ACTR3C: variants seen among roughly 807,000 people sequenced by gnomAD.
The protein encoded by ACTR3C is actin-related protein 3C.
Under a neutral mutation model 26.3 loss-of-function variants are expected in ACTR3C, and 18 were observed. That is an observed-to-expected ratio of 0.68 (90% CI 0.47 to 1.01). The LOEUF (loss-of-function observed/expected upper bound fraction) is 1.01. ACTR3C is among the 50% of genes least tolerant of loss of function. The probability of loss-of-function intolerance (pLI) is 0.00; values close to 1 mark genes in which losing one functional copy is unlikely to be tolerated. For synonymous variants in ACTR3C, 55 were observed against 94.5 expected (o/e 0.58, Z 2.42); for missense variants, 184 against 250.7 (o/e 0.73, Z 1.80).
the ACTR3C span, among the ~76,000 whole-genome samples, chr7:149,933,390 C>T: frequency 2.6e-5 from 4 of 151,524 alleles, no homozygotes; most frequent in South Asian, 2.1e-4. Context: ...AACTACAGTG[C>T]GTATACATCT....
At chr7:150,036,930 G>T in the ACTR3C span, among the ~76,000 whole-genome samples, 25 of 107,736 alleles carry the variant, frequency 2.3e-4, 3 homozygotes, top group East Asian at 1.1e-3. Context: ...CTGCGATGGG[G>T]GTCCTAAGAG....
At chr7:149,938,807 A>G in the ACTR3C span, among the ~76,000 whole-genome samples, 1 of 151,542 alleles carries the variant, frequency 6.6e-6, no homozygotes, top group Non-Finnish European at 1.5e-5. Context: ...ATTGAAACAT[A>G]ATTATATGGG....
At chr7:150,177,196 A>G in the ACTR3C span, among the ~76,000 whole-genome samples, 6 of 150,618 alleles carry the variant, frequency 4.0e-5, 1 homozygote, top group Admixed American at 1.3e-4. Context: ...GAAATTATTC[A>G]TTTTGTAGTT....
chr7:150,002,417 G>C, the ACTR3C span: 3 of 152,278 alleles, frequency 2.0e-5, no homozygotes, highest in Non-Finnish European at 2.9e-5. Flanking sequence ...ACACAGACGT[G>C]GAAAACTCCA....
chr7:149,968,395 C>T, the ACTR3C span, among the ~76,000 whole-genome samples: 21 of 152,210 alleles, frequency 1.4e-4, no homozygotes, highest in African/African-American at 3.6e-4. Context: ...TAGCCAGGCG[C>T]GGTGGCGGGC....
the ACTR3C span, among the ~76,000 whole-genome samples, chr7:150,214,963 G>A: frequency 2.6e-5 from 4 of 151,702 alleles, no homozygotes; most frequent in Non-Finnish European, 4.4e-5. Flanking sequence ...ATCCTTTAAG[G>A]ATGAAATCAA....
the ACTR3C span, among the ~76,000 whole-genome samples, chr7:150,062,481 C>T: frequency 6.7e-6 from 1 of 148,952 alleles, no homozygotes; most frequent in African/African-American, 2.5e-5. Flanking sequence ...GTGTTTGTCA[C>T]GGTGCCTGGA....
chr7:150,079,643 T>G, the ACTR3C span, among the ~76,000 whole-genome samples: 1 of 152,152 alleles, frequency 6.6e-6, no homozygotes, highest in Admixed American at 6.5e-5. Context: ...CATCTCCCCA[T>G]CATCATCCAT....
intron 6 of ACTR3C, among the ~76,000 whole-genome samples, chr7:150,251,186 A>C (rs13232981): frequency 0.069 from 10,563 of 152,210 alleles, 1,214 homozygotes; most frequent in African/African-American, 0.24. Flanking sequence ...CAGTGGAAAT[A>C]TTCTCATTTC....
chr7:150,260,303 CA>C lies in ACTR3C; in HGVS notation c.565-11250del, dbSNP rs201574688. On this transcript the variant is annotated intron_variant, in intron 6 of 7. Transcript: ENST00000683684. ...GGGTGTCTAGCACAAAATTAGCACACAAAAATGGTCAATTTTATGTTCTGTT... is the reference window on the plus strand; with the variant it reads ...GGGTGTCTAGCACAAAATTAGCACACAAAATGGTCAATTTTATGTTCTGTT... Among the ~76,000 whole-genome samples, 825 of 152,254 alleles carry C rather than the reference CA, an allele frequency of 5.4e-3. 6 individuals carry two copies. The highest frequency in any genetic ancestry group is 0.019 in the African/African-American group (776 of 41,538).
At chr7:150,040,996 G>C in the ACTR3C span, among the ~76,000 whole-genome samples, 1 of 150,568 alleles carries the variant, frequency 6.6e-6, no homozygotes, top group Non-Finnish European at 1.5e-5. Flanking sequence ...ACCCTGTCTA[G>C]TTGTTTAGAG....
At chr7:149,913,418 C>T in the ACTR3C span, among the ~76,000 whole-genome samples, 1 of 152,144 alleles carries the variant, frequency 6.6e-6, no homozygotes, top group Non-Finnish European at 1.5e-5. Context: ...GGACATGGCC[C>T]AGGTCCTCAA....
chr7:150,167,244 A>G, the ACTR3C span, among the ~76,000 whole-genome samples: 2 of 150,718 alleles, frequency 1.3e-5, no homozygotes, highest in African/African-American at 5.0e-5. Context: ...ACTGTTGTTC[A>G]CTGTGGCTGT....
rs773096275 is a variant in ACTR3C, at chr7:150,284,822, C to G, written c.495G>C (p.Glu165Asp). 5 of 1,611,950 alleles carry G rather than the reference C, an allele frequency of 3.1e-6. No homozygotes were observed. Among genetic ancestry groups the G allele is most frequent in the Non-Finnish European group, 4.2e-6 (5 of 1,179,104 alleles). Residue 165 changes from glutamate to aspartate, a missense_variant, in exon 6 of 8, where the codon GAG becomes GAC. Glu to Asp is a conservative substitution (Grantham distance 45). Coordinates refer to ENST00000683684, the MANE Select transcript of ACTR3C (RefSeq NM_001164458.2). ...HPEFANPDSMESISDVVDEVI... is the reference protein window; with the variant it reads ...HPEFANPDSMDSISDVVDEVI... Reference sequence around the variant, plus strand: ...CTTCATCAACAACATCTGAGATGGACTCCATAGAGTCTGGGTTGGCAAACT... The same window carrying G: ...CTTCATCAACAACATCTGAGATGGAGTCCATAGAGTCTGGGTTGGCAAACT...
the ACTR3C span, among the ~76,000 whole-genome samples, chr7:150,167,018 G>A: frequency 6.8e-6 from 1 of 147,192 alleles, no homozygotes; most frequent in South Asian, 2.1e-4. Context: ...ATTCCACTGT[G>A]TATATATATA....
At chr7:149,967,032 T>TTTTTTTG in the ACTR3C span, among the ~76,000 whole-genome samples, 1 of 102,818 alleles carries the variant, frequency 9.7e-6, no homozygotes, top group Non-Finnish European at 1.9e-5. Context: ...CAGCTAATTT[T>TTTTTTTG]TTTTTTTTTT....
chr7:150,066,441 T>A, the ACTR3C span, among the ~76,000 whole-genome samples: 1 of 152,240 alleles, frequency 6.6e-6, no homozygotes, highest in African/African-American at 2.4e-5. Flanking sequence ...TCAAGATTCA[T>A]ACTAGCAGTA....
intron 6 of ACTR3C, among the ~76,000 whole-genome samples, chr7:150,277,563 C>A (rs573404208): frequency 6.6e-6 from 1 of 152,158 alleles, no homozygotes; most frequent in African/African-American, 2.4e-5. Context: ...CTCCAACCTA[C>A]AAATGCAACT....
chr7:150,066,508 A>G, the ACTR3C span, among the ~76,000 whole-genome samples: 2 of 152,228 alleles, frequency 1.3e-5, no homozygotes. Context: ...TAGGTGAAAA[A>G]TTAGGTTGTA....
Sources: gnomAD v4.1 joint callset for allele counts (sites outside exome capture counted in the v4.1 genomes callset) on GRCh38, gnomAD v4.1.1 for gene constraint, MANE v1.5 for transcripts, NCBI Gene and HGNC (gene_info 2026-07-23, HGNC 2026-07-21) for gene names.